Variants in AFF2 observed in about 807,000 individuals in gnomAD.
AFF2 encodes the protein AF4/FMR2 family member 2.
AFF2 carries 14 observed loss-of-function variants against 76.9 expected under a neutral mutation model. That is an observed-to-expected ratio of 0.18 (90% CI 0.12 to 0.28). The LOEUF is 0.28. Ranked by LOEUF, AFF2 falls within the 10% of genes least tolerant of loss-of-function variation. AFF2 has a pLI of 1.00. For synonymous variants in AFF2, 398 were observed against 366.7 expected, an observed-to-expected ratio of 1.09 and a Z score of -0.98; for missense variants, 868 against 1,001.1, an observed-to-expected ratio of 0.87 and a Z score of 1.79.
intron 14 of AFF2, 147 bp downstream of exon 14, chrX:148,967,226 C>T: frequency 2.4e-6 from 2 of 830,676 alleles, no homozygotes; most frequent in Non-Finnish European, 3.3e-6. Flanking sequence ...CCACCCCCTG[C>T]ATACACACTC....
chrX:148,549,947 G>T (rs782702659), intron 1 of AFF2, among the ~76,000 whole-genome samples: 190 of 111,481 alleles, frequency 1.7e-3, no homozygotes, highest in Middle Eastern at 9.2e-3. Context: ...GATTTCTCCC[G>T]CCCCATACAA....
chrX:148,688,650 CA>C (rs781867677), intron 3 of AFF2, among the ~76,000 whole-genome samples: 53 of 111,315 alleles, frequency 4.8e-4, no homozygotes, highest in Admixed American at 4.3e-3. Context: ...AATCACTTAA[CA>C]ACAGGGATGC....
chrX:148,646,440 C>T (rs1557255415), intron 1 of AFF2, among the ~76,000 whole-genome samples: 1 of 111,566 alleles, frequency 9.0e-6, no homozygotes, highest in African/African-American at 3.3e-5. Context: ...ACAGGCTTTG[C>T]AGATGGGCTG....
intron 3 of AFF2, among the ~76,000 whole-genome samples, chrX:148,701,012 A>AAATGTG (rs782232655): frequency 8.0e-4 from 59 of 73,737 alleles, no homozygotes; most frequent in Non-Finnish European, 1.2e-3. Flanking sequence ...GAGAGAGAGA[A>AAATGTG]TGTGTGTGTG....
At chrX:148,844,499 G>A (rs1037489019) in intron 7 of AFF2, among the ~76,000 whole-genome samples, 1 of 112,047 alleles carries the variant, frequency 8.9e-6, no homozygotes, top group South Asian at 3.7e-4. Context: ...AGAGTATCAA[G>A]GGAGTATTAT....
At position 148,722,239 on chromosome X, in the gene AFF2, C is replaced by A. The variant is rs183097503; in HGVS notation, c.1041+59471C>A. On this transcript the variant is annotated intron_variant, in intron 3 of 20. Coordinates refer to ENST00000370460, the MANE Select transcript of AFF2 (RefSeq NM_002025.4). ...GGTTCAGGAACAACAACAACAACAA[C>A]AAAAACCCACAAGATTTTGTTCAGC... Among the ~76,000 whole-genome samples, 13 of 111,121 alleles carry A rather than the reference C, an allele frequency of 1.2e-4. No individual in the cohort carries two copies. In the East Asian group the frequency reaches 3.4e-3, roughly 29 times the overall value.
chrX:148,913,495 C>G, intron 9 of AFF2, among the ~76,000 whole-genome samples: 1 of 111,733 alleles, frequency 8.9e-6, no homozygotes, highest in Middle Eastern at 4.6e-3. Flanking sequence ...TGCCAAATTA[C>G]CATCACTCAT....
chrX:148,898,068 G>A (rs1208687845), intron 8 of AFF2, among the ~76,000 whole-genome samples: 3 of 112,103 alleles, frequency 2.7e-5, no homozygotes, highest in Non-Finnish European at 3.8e-5. Flanking sequence ...TTGACAAATG[G>A]ATCTTGCCAA....
intron 9 of AFF2, among the ~76,000 whole-genome samples, chrX:148,913,570 G>A (rs1319844161): frequency 8.9e-6 from 1 of 111,967 alleles, no homozygotes; most frequent in Non-Finnish European, 1.9e-5. Flanking sequence ...AATAACCATA[G>A]GGATAAAATA....
chrX:148,515,550 T>C (rs1300579061), intron 1 of AFF2, among the ~76,000 whole-genome samples: 2 of 111,849 alleles, frequency 1.8e-5, no homozygotes, highest in African/African-American at 6.5e-5. Context: ...AGGCCCTCTG[T>C]GAGATACATT....
intron 18 of AFF2, among the ~76,000 whole-genome samples, chrX:148,980,318 T>G (rs782199890): frequency 5.4e-5 from 6 of 111,859 alleles, no homozygotes; most frequent in African/African-American, 1.3e-4. Flanking sequence ...CTCTGACACA[T>G]TCTTGGATTA....
intron 9 of AFF2, among the ~76,000 whole-genome samples, chrX:148,930,505 C>T (rs1263381875): frequency 8.9e-6 from 1 of 112,085 alleles, no homozygotes; most frequent in Non-Finnish European, 1.9e-5. Flanking sequence ...GCATTACCTC[C>T]CTGGCATAGA....
chrX:148,574,946 GTGTGTGTGT>G (rs1569551479), intron 1 of AFF2, among the ~76,000 whole-genome samples: 4 of 18,014 alleles, frequency 2.2e-4, no homozygotes, highest in Non-Finnish European at 3.6e-4. Flanking sequence ...GTGCTGGGGT[GTGTGTGTGT>G]GTGTGTGTGT....
intron 12 of AFF2, among the ~76,000 whole-genome samples, chrX:148,959,473 C>G (rs781923244): frequency 1.8e-5 from 2 of 112,199 alleles, no homozygotes; most frequent in African/African-American, 6.5e-5. Context: ...TGGCATCAAT[C>G]TGCTACAGAT....
intron 3 of AFF2, among the ~76,000 whole-genome samples, chrX:148,728,573 C>A (rs781783248): frequency 8.9e-6 from 1 of 112,545 alleles, no homozygotes; most frequent in South Asian, 3.7e-4. Flanking sequence ...TAATAAAAAG[C>A]AACTTTTATT....
In AFF2 at chrX:148,581,366, A is replaced by C. The variant is rs868961437; in HGVS notation, c.48-70633A>C. Reference sequence around the variant, plus strand: ...TATACGTGTACACACATATATACGTATACGTGTACACACATATACACGTAT... The same window carrying C: ...TATACGTGTACACACATATATACGTCTACGTGTACACACATATACACGTAT... On this transcript the variant is annotated intron_variant, in intron 1 of 20. Transcript: ENST00000370460. Among the ~76,000 whole-genome samples the C allele has an allele frequency of 1.4e-3, 138 of 102,071 alleles. 25 individuals carry two copies. The highest frequency in any genetic ancestry group is 4.6e-3 in the African/African-American group (124 of 27,193). 88.6% of individuals were successfully genotyped at this position (102,071 alleles called of 115,157 possible).
chrX:148,981,372 G>A (rs5936463), intron 19 of AFF2, among the ~76,000 whole-genome samples: 25,004 of 110,111 alleles, frequency 0.23, 2,183 homozygotes, highest in Non-Finnish European at 0.26. Flanking sequence ...AGTCTTAATA[G>A]CAGTGGAGTA....
At chrX:148,548,147 T>G (rs1212631197) in intron 1 of AFF2, among the ~76,000 whole-genome samples, 1 of 112,476 alleles carries the variant, frequency 8.9e-6, no homozygotes, top group Non-Finnish European at 1.9e-5. Context: ...GTGTCACACT[T>G]TTGGCCAGTT....
At chrX:148,585,301 A>G (rs1480094524) in intron 1 of AFF2, among the ~76,000 whole-genome samples, 6 of 111,833 alleles carry the variant, frequency 5.4e-5, no homozygotes, top group Non-Finnish European at 1.1e-4. Context: ...GGATTTCACT[A>G]TGGTGGTCCT....
Sources: gnomAD v4.1 joint callset for allele counts (sites outside exome capture counted in the v4.1 genomes callset) on GRCh38, gnomAD v4.1.1 for gene constraint, MANE v1.5 for transcripts, NCBI Gene and HGNC (gene_info 2026-07-23, HGNC 2026-07-21) for gene names.